Variants in PCDHGA3 observed in about 807,000 individuals in gnomAD.
PCDHGA3 encodes protocadherin gamma subfamily A, 3.
PCDHGA3 carries 40 observed loss-of-function variants against 58.5 expected under a neutral mutation model. That is an observed-to-expected ratio of 0.68 (90% CI 0.53 to 0.89). The LOEUF (loss-of-function observed/expected upper bound fraction) is 0.89, where lower values mean the gene tolerates loss of function less well. Among genes scored for constraint, PCDHGA3 ranks in the 40% least tolerant of loss-of-function variants. The pLI is 0.00. For missense variants in PCDHGA3, 1,223 were observed against 1,195.9 expected (o/e 1.02, Z -0.33); for synonymous variants, 530 against 525.7 (o/e 1.01, Z -0.11).
chr5:141,468,845 A>G (rs1426852752), intron 1 of PCDHGA3, among the ~76,000 whole-genome samples: 3 of 152,150 alleles, frequency 2.0e-5, no homozygotes, highest in Non-Finnish European at 2.9e-5. Flanking sequence ...CAGCCTGGGC[A>G]ACAGAGCGAG....
chr5:141,353,958 T>G (rs1759426111), intron 1 of PCDHGA3, among the ~76,000 whole-genome samples: 2 of 152,250 alleles, frequency 1.3e-5, no homozygotes, highest in African/African-American at 4.8e-5. Flanking sequence ...AGGAATAAGC[T>G]TAAGAACTGA....
intron 1 of PCDHGA3, among the ~76,000 whole-genome samples, chr5:141,425,691 T>C (rs1411905655): frequency 6.6e-6 from 1 of 152,238 alleles, no homozygotes. Context: ...TGCATATCAT[T>C]TCATAGTGGT....
chr5:141,423,513 G>A, intron 1 of PCDHGA3: 2 of 1,613,750 alleles, frequency 1.2e-6, no homozygotes. Context: ...CTCTCATTGC[G>A]GACTCGCAGA....
intron 1 of PCDHGA3, among the ~76,000 whole-genome samples, chr5:141,425,059 G>A (rs1056925377): frequency 3.3e-5 from 5 of 152,110 alleles, no homozygotes; most frequent in Non-Finnish European, 7.4e-5. Flanking sequence ...CTAGGGCTCG[G>A]ACAAAAATAA....
At chr5:141,355,220 G>A (rs753002448) in intron 1 of PCDHGA3, 1 of 1,607,994 alleles carries the variant, frequency 6.2e-7, no homozygotes, top group Non-Finnish European at 8.5e-7. Context: ...CCTCCTGCTC[G>A]CCCAGACCAC....
Position 141,366,210 on chromosome 5 carries a change from G to A in PCDHGA3, c.2424+19753G>A, listed in dbSNP as rs374658125. 81 of 1,613,800 alleles carry A rather than the reference G, an allele frequency of 5.0e-5. 1 individual carries two copies. The African/African-American group carries it at 9.2e-4, about 18-fold the overall frequency. On this transcript the variant is annotated intron_variant, in intron 1 of 3. Coordinates refer to ENST00000253812, the MANE Select transcript of PCDHGA3 (RefSeq NM_018916.4). The stretch of plus-strand genomic sequence containing the variant: ...GTTGGGCTGCACACGGGCGAGGTGC[G>A]CACAGCGCGAGCCCTGCTGGACAGA...
Position 141,505,488 on chromosome 5 carries a change from G to A in PCDHGA3, c.2572+7G>A. On this transcript the variant is annotated splice_region_variant and intron_variant, in intron 3 of 3. Transcript: ENST00000253812. Reference sequence around the variant, plus strand: ...ATCTTGGCGTCCGCCAGTGGTAAGTGGTGTCAGTGTGTGTATGGAAGAGTG... The same window carrying A: ...ATCTTGGCGTCCGCCAGTGGTAAGTAGTGTCAGTGTGTGTATGGAAGAGTG... The A allele has an allele frequency of 6.2e-7, 1 of 1,614,222 alleles. No individual in the cohort carries two copies. The highest frequency in any genetic ancestry group is 8.5e-7 in the Non-Finnish European group (1 of 1,180,018).
chr5:141,484,334 A>G (rs988395353), intron 1 of PCDHGA3, among the ~76,000 whole-genome samples: 3 of 152,192 alleles, frequency 2.0e-5, no homozygotes, highest in East Asian at 1.9e-4. Context: ...CTTGAAATCA[A>G]TGAATGGTAA....
chr5:141,424,434 T>C (rs2096821185), intron 1 of PCDHGA3: 1 of 151,048 alleles, frequency 6.6e-6, no homozygotes, highest in Admixed American at 6.6e-5. Flanking sequence ...GAGGAAATAA[T>C]TGAATTATTG....
intron 1 of PCDHGA3, chr5:141,390,019 G>T (rs1047341984): frequency 1.9e-6 from 3 of 1,614,002 alleles, no homozygotes; most frequent in Non-Finnish European, 2.5e-6. Flanking sequence ...ATTGCCTTGC[G>T]CCTGCGACGC....
intron 1 of PCDHGA3, among the ~76,000 whole-genome samples, chr5:141,447,143 T>G (rs1484774611): frequency 2.6e-5 from 4 of 152,132 alleles, no homozygotes; most frequent in Admixed American, 6.6e-5. Flanking sequence ...TTGTTTTTTG[T>G]TTTTGTTTTT....
At chr5:141,430,818 T>G (rs1240970813) in intron 1 of PCDHGA3, 2 of 1,540,582 alleles carry the variant, frequency 1.3e-6, no homozygotes, top group Non-Finnish European at 1.7e-6. Flanking sequence ...GGAATCCTCC[T>G]GGGGACTCTG....
At chr5:141,383,069 G>C (rs370612007) in intron 1 of PCDHGA3, 5 of 1,613,768 alleles carry the variant, frequency 3.1e-6, no homozygotes, top group Non-Finnish European at 3.4e-6. Flanking sequence ...CTGGAGCCCC[G>C]GGAGCTGGCG....
intron 1 of PCDHGA3, chr5:141,393,863 G>A: frequency 6.2e-7 from 1 of 1,613,968 alleles, no homozygotes; most frequent in Non-Finnish European, 8.5e-7. Context: ...TGATCATTAC[G>A]TCTTTGTTTA....
chr5:141,486,734 C>G lies in PCDHGA3; in HGVS notation c.2425-8073C>G, dbSNP rs2099634292. On this transcript the variant is annotated intron_variant, in intron 1 of 3. Transcript: ENST00000253812. This position sits in a 1 kb window ranked among gnomAD's most constrained non-coding sequence, Gnocchi z 5.0. ...CCAGACAGGAGCTGTTCATGCTACT[C>G]GATCCTTTGACTATGAGCAAACCCA... 6.2e-7 allele frequency: 1 copy of G among 1,614,070 alleles called. No individual in the cohort carries two copies. The highest frequency in any genetic ancestry group is 1.7e-5 in the Admixed American group (1 of 60,000).
rs374857095 is a variant in PCDHGA3, at chr5:141,409,142, A to G, written c.2424+62685A>G. 6 of 1,613,904 alleles carry G rather than the reference A, an allele frequency of 3.7e-6. No individual in the cohort carries two copies. In the African/African-American group the frequency reaches 6.7e-5, roughly 18 times the overall value. ...GTCATTTGATTTTGAAGATGTAGAA[A>G]GGTACACCATGGAAGTGGAAGCGAA... is the stretch of plus-strand genomic sequence containing the variant. On this transcript the variant is annotated intron_variant, in intron 1 of 3. Coordinates refer to ENST00000253812, the MANE Select transcript of PCDHGA3 (RefSeq NM_018916.4).
At chr5:141,364,165 C>T (rs556224229) in intron 1 of PCDHGA3, 4 of 699,984 alleles carry the variant, frequency 5.7e-6, no homozygotes, top group Admixed American at 7.5e-5. Context: ...CAGAGGCGAC[C>T]CGACTCTGCT....
chr5:141,469,918 G>T (rs2099215604), intron 1 of PCDHGA3, among the ~76,000 whole-genome samples: 2 of 152,148 alleles, frequency 1.3e-5, no homozygotes, highest in African/African-American at 4.8e-5. Context: ...ACCACCCGAG[G>T]TCAGGAGTTT....
Position 141,345,511 on chromosome 5 carries a change from A to C in PCDHGA3, c.1478A>C (p.Glu493Ala). ...NNARITYALT[E>A]DTLQGAPLSS... ...GCCCGCATCACTTATGCATTGACCGAGGACACTCTCCAGGGGGCGCCCCTG... is the reference window on the plus strand; with the variant it reads ...GCCCGCATCACTTATGCATTGACCGCGGACACTCTCCAGGGGGCGCCCCTG... Residue 493 changes from glutamate (E) to alanine (A), a missense_variant, in exon 1 of 4, where the codon GAG becomes GCG. Glu to Ala is a moderately radical substitution (Grantham distance 107). Transcript: ENST00000253812. 2 of 1,614,146 alleles carry C rather than the reference A, an allele frequency of 1.2e-6. No homozygotes were observed. The highest frequency in any genetic ancestry group is 1.7e-6 in the Non-Finnish European group (2 of 1,180,008).
Sources: gnomAD v4.1 joint callset for allele counts (sites outside exome capture counted in the v4.1 genomes callset) on GRCh38, gnomAD v4.1.1 for gene constraint, Gnocchi (gnomAD v3.1) non-coding constraint, MANE v1.5 for transcripts, NCBI Gene and HGNC (gene_info 2026-07-23, HGNC 2026-07-21) for gene names.